FGF12: variants seen among roughly 807,000 people sequenced by gnomAD.
The protein encoded by FGF12 is fibroblast growth factor 12.
A neutral mutation model predicts 23.6 loss-of-function variants in FGF12; 14 were observed. That is an observed-to-expected ratio of 0.59 (90% confidence interval 0.39 to 0.93). The LOEUF (loss-of-function observed/expected upper bound fraction) is 0.93, where lower values mean the gene tolerates loss of function less well. Among genes scored for constraint, FGF12 ranks in the 40% least tolerant of loss-of-function variants. The probability of loss-of-function intolerance (pLI) is 0.00; values close to 1 mark genes in which losing one functional copy is unlikely to be tolerated. For missense variants in FGF12, 175 were observed against 217.8 expected (o/e 0.80, Z 1.24); for synonymous variants, 62 against 77.3 (o/e 0.80, Z 1.04).
intron 4 of FGF12, among the ~76,000 whole-genome samples, chr3:192,293,212 T>C (rs952660389): frequency 2.0e-5 from 3 of 151,542 alleles, no homozygotes; most frequent in Non-Finnish European, 4.4e-5. Context: ...CTCTGGTTAA[T>C]CTAATTCTGT....
At chr3:192,323,254 A>G (rs1186434841) in intron 4 of FGF12, among the ~76,000 whole-genome samples, 10 of 152,194 alleles carry the variant, frequency 6.6e-5, no homozygotes, top group Non-Finnish European at 7.4e-5. Context: ...TATCAAAGAG[A>G]TATTTGCACT....
At chr3:192,219,363 A>T (rs1488476461) in intron 4 of FGF12, among the ~76,000 whole-genome samples, 1 of 151,842 alleles carries the variant, frequency 6.6e-6, no homozygotes, top group Non-Finnish European at 1.5e-5. Flanking sequence ...GGGATTACAG[A>T]TGTGAGCCAC....
intron 2 of FGF12, among the ~76,000 whole-genome samples, chr3:192,618,558 T>A (rs1714851077): frequency 6.6e-6 from 1 of 152,148 alleles, no homozygotes; most frequent in African/African-American, 2.4e-5. Flanking sequence ...AATAATAAAT[T>A]TGACCGATTT....
At chr3:192,399,382 G>A (rs1048102839) in intron 2 of FGF12, among the ~76,000 whole-genome samples, 2 of 152,134 alleles carry the variant, frequency 1.3e-5, no homozygotes, top group African/African-American at 4.8e-5. Flanking sequence ...CACAGACACC[G>A]AATCTTCCGG....
chr3:192,303,671 C>T (rs555276258), intron 4 of FGF12, among the ~76,000 whole-genome samples: 2 of 152,232 alleles, frequency 1.3e-5, no homozygotes, highest in Admixed American at 6.5e-5. Flanking sequence ...TGGTGGATTA[C>T]GCTTAGGTTT....
chr3:192,547,728 G>T (rs1303309039), intron 2 of FGF12, among the ~76,000 whole-genome samples: 1 of 152,164 alleles, frequency 6.6e-6, no homozygotes, highest in African/African-American at 2.4e-5. Flanking sequence ...GGTATATAAT[G>T]CTAGAACTTA....
chr3:192,649,727 T>C (rs1716145167), intron 2 of FGF12, among the ~76,000 whole-genome samples: 1 of 151,128 alleles, frequency 6.6e-6, no homozygotes. Flanking sequence ...CTGGCTAATT[T>C]TTTTTTTATT....
At chr3:192,202,847 T>C (rs1316178627) in intron 4 of FGF12, among the ~76,000 whole-genome samples, 1 of 152,190 alleles carries the variant, frequency 6.6e-6, no homozygotes, top group Admixed American at 6.5e-5. Flanking sequence ...TGAGCAGCTC[T>C]CTACGTGAAG....
chr3:192,191,561 C>CCTTAA (rs1275589385), intron 4 of FGF12, among the ~76,000 whole-genome samples: 1 of 152,178 alleles, frequency 6.6e-6, no homozygotes, highest in African/African-American at 2.4e-5. Context: ...TAAGGCCAGG[C>CCTTAA]ACAGTGGCTC....
chr3:192,449,059 T>A (rs757939698), intron 2 of FGF12, among the ~76,000 whole-genome samples: 17 of 152,180 alleles, frequency 1.1e-4, no homozygotes, highest in Non-Finnish European at 2.5e-4. Context: ...TAAAATCAAA[T>A]CTCATTCAGT....
chr3:192,569,401 T>C (rs1000036734), intron 2 of FGF12, among the ~76,000 whole-genome samples: 10 of 152,338 alleles, frequency 6.6e-5, no homozygotes, highest in South Asian at 2.1e-4. Context: ...CTCCTTAATT[T>C]CTAAGGAACC....
intron 2 of FGF12, among the ~76,000 whole-genome samples, chr3:192,533,128 C>T (rs945029387): frequency 2.0e-5 from 3 of 152,168 alleles, no homozygotes; most frequent in Non-Finnish European, 2.9e-5. Context: ...TGGTTGAATA[C>T]TTCACTTCTT....
At chr3:192,329,067 T>C (rs948515680) in intron 4 of FGF12, among the ~76,000 whole-genome samples, 2 of 152,176 alleles carry the variant, frequency 1.3e-5, no homozygotes, top group Non-Finnish European at 2.9e-5. Flanking sequence ...TCAACAAGTC[T>C]TTACTGAGAA....
At chr3:192,208,859 C>T (rs931071410) in intron 4 of FGF12, among the ~76,000 whole-genome samples, 1 of 152,174 alleles carries the variant, frequency 6.6e-6, no homozygotes, top group Non-Finnish European at 1.5e-5. Context: ...TAGCTACTGT[C>T]TATAAGTGTC....
intron 2 of FGF12, among the ~76,000 whole-genome samples, chr3:192,686,596 T>C (rs1375906969): frequency 6.6e-6 from 1 of 152,066 alleles, no homozygotes; most frequent in Non-Finnish European, 1.5e-5. Context: ...TAGTATTTCC[T>C]TGACTCAGGT....
chr3:192,657,376 T>C (rs920296736), intron 2 of FGF12, among the ~76,000 whole-genome samples: 3 of 151,334 alleles, frequency 2.0e-5, no homozygotes, highest in African/African-American at 7.3e-5. Flanking sequence ...TGTCTGCCTT[T>C]CTGGCAGAGT....
intron 4 of FGF12, among the ~76,000 whole-genome samples, chr3:192,324,071 G>A (rs756008907): frequency 2.0e-5 from 3 of 151,790 alleles, no homozygotes; most frequent in Non-Finnish European, 2.9e-5. Context: ...CAGCCTGGGC[G>A]ACAGAGCGAG....
At chr3:192,256,752 T>C (rs977102154) in intron 4 of FGF12, among the ~76,000 whole-genome samples, 1 of 152,146 alleles carries the variant, frequency 6.6e-6, no homozygotes, top group Non-Finnish European at 1.5e-5. Flanking sequence ...AAGTATGGTT[T>C]TATTTGATGT....
At chr3:192,576,735 G>C (rs780871332) in intron 2 of FGF12, among the ~76,000 whole-genome samples, 1 of 152,134 alleles carries the variant, frequency 6.6e-6, no homozygotes, top group African/African-American at 2.4e-5. Flanking sequence ...TAGGTGGCAG[G>C]GGAGGGCAGA....
Sources: gnomAD v4.1 joint callset for allele counts (sites outside exome capture counted in the v4.1 genomes callset) on GRCh38, gnomAD v4.1.1 for gene constraint, MANE v1.5 for transcripts, NCBI Gene and HGNC (gene_info 2026-07-23, HGNC 2026-07-21) for gene names.